Variants in CD160 observed in about 807,000 individuals in gnomAD.
The protein encoded by CD160 is CD160 molecule.
In CD160, 11 loss-of-function variants were observed where a neutral mutation model predicts 19.2. The ratio of observed to expected loss-of-function variants is 0.57; its 90% CI spans 0.36 to 0.95. The LOEUF is 0.95. CD160 is among the 40% of genes least tolerant of loss of function. The pLI, the probability that CD160 is intolerant of heterozygous loss-of-function variation, is 0.01. For synonymous variants in CD160, 75 were observed against 81.1 expected (o/e 0.93, Z 0.40); for missense variants, 182 against 213.2 (o/e 0.85, Z 0.91).
rs587622731 is a variant in CD160, at chr1:145,731,986, T to C, written c.400+916T>C. 1.8e-4 allele frequency among the ~76,000 whole-genome samples: 27 copies of C among 152,334 alleles called. 1 individual carries two copies. The South Asian group carries it at 5.4e-3, about 30-fold the overall frequency. On this transcript the variant is annotated intron_variant, in intron 4 of 5. Coordinates refer to ENST00000369288, the MANE Select transcript of CD160 (RefSeq NM_007053.4). ...TCAAACTGTGAGGCAGCAAGGCCTC[T>C]GGCTTCTGCATCTGTCTTTCACTCT...
intron 4 of CD160, among the ~76,000 whole-genome samples, chr1:145,733,399 CAA>C (rs1269211058): frequency 1.3e-5 from 2 of 152,126 alleles, no homozygotes; most frequent in Non-Finnish European, 2.9e-5. Flanking sequence ...TCAGCCTAGC[CAA>C]AGTGCTGGGA....
intron 5 of CD160, chr1:145,738,258 GGCTA>G (rs1553710513): frequency 2.8e-6 from 1 of 351,174 alleles, no homozygotes; most frequent in Non-Finnish European, 5.2e-6. Context: ...AGCGATCAAA[GGCTA>G]GCCCCCTTCC....
chr1:145,738,438 G>A, intron 5 of CD160, 48 bp from the exon 6 acceptor site: 2 of 1,274,998 alleles, frequency 1.6e-6, no homozygotes, highest in Non-Finnish European at 2.0e-6. Context: ...CAGGTATTTT[G>A]TTGCTATTCT....
Position 145,736,140 on chromosome 1 carries a change from T to C in CD160, c.538+6T>C. On this transcript the variant is annotated splice_donor_region_variant and intron_variant, in intron 5 of 5. Transcript: ENST00000369288. The stretch of plus-strand genomic sequence containing the variant: ...CAGCCTTGTGGCCCTTCAAGGTATG[T>C]CCAAAAGAGCCGTAAGCACCCCAAG... The C allele has an allele frequency of 6.2e-7, 1 of 1,614,080 alleles. No homozygotes were observed. The highest frequency in any genetic ancestry group is 8.5e-7 in the Non-Finnish European group (1 of 1,180,016).
intron 4 of CD160, among the ~76,000 whole-genome samples, chr1:145,734,837 T>G (rs946206996): frequency 6.6e-6 from 1 of 152,204 alleles, no homozygotes; most frequent in African/African-American, 2.4e-5. Context: ...GGGTGGGTGG[T>G]GGCTCACGCC....
In CD160 at chr1:145,730,763, C is replaced by T. The variant is rs371696296; in HGVS notation, c.93C>T (p.Ser31=). ...IQSGGCINIT[S]SASQEGTRLN... The stretch of plus-strand genomic sequence containing the variant: ...TTCCAGGATGCATTAACATCACCAG[C>T]TCAGCTTCCCAGGAAGGAACGCGAC... The change falls in exon 4 of 6, where the codon AGC becomes AGT. Residue 31 remains serine, a synonymous_variant. Coordinates refer to ENST00000369288, the MANE Select transcript of CD160 (RefSeq NM_007053.4). The T allele has an allele frequency of 1.8e-5, 29 of 1,612,890 alleles. 1 individual carries two copies. In the South Asian group the frequency reaches 3.1e-4, roughly 17 times the overall value.
chr1:145,729,881 T>C (rs1177292746), intron 3 of CD160, among the ~76,000 whole-genome samples: 1 of 152,232 alleles, frequency 6.6e-6, no homozygotes, highest in Non-Finnish European at 1.5e-5. Flanking sequence ...GAAAAACTTT[T>C]ACTCATCCTT....
At chr1:145,733,553 A>G (rs1657376095) in intron 4 of CD160, among the ~76,000 whole-genome samples, 1 of 152,096 alleles carries the variant, frequency 6.6e-6, no homozygotes, top group Non-Finnish European at 1.5e-5. Context: ...TATGGTTCCT[A>G]GTTAATTCAA....
intron 2 of CD160, among the ~76,000 whole-genome samples, 187 bp downstream of exon 2, chr1:145,725,093 A>G (rs587766383): frequency 6.6e-6 from 1 of 151,844 alleles, no homozygotes; most frequent in Admixed American, 6.6e-5. Context: ...TAAATATAAT[A>G]TTATAAAACA....
intron 5 of CD160, chr1:145,736,336 G>A: frequency 2.0e-6 from 3 of 1,488,132 alleles, no homozygotes; most frequent in Non-Finnish European, 2.7e-6. Flanking sequence ...AGATAAATCA[G>A]ACTTTTCAAT....
intron 2 of CD160, 131 bp from the exon 3 acceptor site, chr1:145,728,125 A>G: frequency 1.9e-6 from 1 of 533,282 alleles, no homozygotes; most frequent in Non-Finnish European, 3.4e-6. Context: ...CTTCCCAGCC[A>G]GCTGGACTCT....
intron 1 of CD160, among the ~76,000 whole-genome samples, chr1:145,720,664 C>T (rs1553707677): frequency 6.6e-6 from 1 of 152,162 alleles, no homozygotes; most frequent in East Asian, 1.9e-4. Flanking sequence ...ATCCGGGCTC[C>T]GGTGGCAGAG....
At chr1:145,721,111 A>T (rs1656823944) in intron 1 of CD160, among the ~76,000 whole-genome samples, 1 of 151,926 alleles carries the variant, frequency 6.6e-6, no homozygotes, top group Non-Finnish European at 1.5e-5. Context: ...ACTTCTCACG[A>T]CCACCCGCTC....
chr1:145,738,392 C>T (rs2231375), intron 5 of CD160, 94 bp from the exon 6 acceptor site: 234,307 of 735,302 alleles, frequency 0.32, 39,796 homozygotes, highest in Non-Finnish European at 0.35. Context: ...GGGCCTATCA[C>T]GCACGCATCT....
rs1656745145 is a variant in CD160 at position 145,719,558 on chromosome 1, A to C, written c.-180A>C. ...ACAAGAAAGAAGAACTTCTGTCTCG[A>C]GGTAAAAAGGCCTGCTGGGGACCTG... On this transcript the variant is annotated splice_region_variant and 5_prime_UTR_variant, in exon 1 of 6. Transcript: ENST00000369288. 1 of 152,420 alleles carries C rather than the reference A, an allele frequency of 6.6e-6. No individual in the cohort carries two copies. The highest frequency in any genetic ancestry group is 2.4e-5 in the African/African-American group (1 of 41,486). The allele number at this position is 152,420 out of a possible 1,614,324, so 9.4% of individuals were successfully genotyped here.
chr1:145,734,698 G>A (rs993095239), intron 4 of CD160, among the ~76,000 whole-genome samples: 6 of 152,168 alleles, frequency 3.9e-5, no homozygotes, highest in African/African-American at 1.4e-4. Context: ...AAGGAAGAAT[G>A]CTTTTCTCAT....
Position 145,730,616 on chromosome 1 carries a change from G to C in CD160, c.74-128G>C, listed in dbSNP as rs150859720. On this transcript the variant is annotated intron_variant, in intron 3 of 5. Transcript: ENST00000369288. ...GATAGAGCTGGAATTTGTATTTCCT[G>C]TCTGCCAGCACTACTGCCAGGTTCT... The C allele has an allele frequency of 2.5e-4, 174 of 691,598 alleles. 1 individual carries two copies. The highest frequency in any genetic ancestry group is 3.8e-4 in the Admixed American group (14 of 36,390). 42.8% of individuals were successfully genotyped at this position (691,598 alleles called of 1,614,324 possible). A position where few individuals can be genotyped will look rare whatever the true frequency, so the allele number is the denominator to read the frequency against.
chr1:145,728,164 A>T (rs185234040), intron 2 of CD160, 92 bp from the exon 3 acceptor site: 7 of 606,586 alleles, frequency 1.2e-5, no homozygotes, highest in African/African-American at 1.8e-5. Flanking sequence ...TACCTCCATC[A>T]TACTCTAGCC....
At chr1:145,726,601 G>A (rs1464866842) in intron 2 of CD160, among the ~76,000 whole-genome samples, 3 of 152,122 alleles carry the variant, frequency 2.0e-5, no homozygotes, top group Admixed American at 2.0e-4. Flanking sequence ...GCCCGGGGGA[G>A]GGATAGCATT....
Sources: gnomAD v4.1 joint callset for allele counts (sites outside exome capture counted in the v4.1 genomes callset) on GRCh38, gnomAD v4.1.1 for gene constraint, MANE v1.5 for transcripts, NCBI Gene and HGNC (gene_info 2026-07-23, HGNC 2026-07-21) for gene names.